Variants in GLO1 observed in about 807,000 individuals in gnomAD.
The protein encoded by GLO1 is glyoxalase I.
A neutral mutation model predicts 26.0 loss-of-function variants in GLO1; 28 were observed. The ratio of observed to expected loss-of-function variants is 1.08; its 90% CI spans 0.80 to 1.48. The LOEUF (loss-of-function observed/expected upper bound fraction) is 1.48. GLO1 is among the 40% of genes most tolerant of loss of function. GLO1 has a pLI of 0.00. For missense variants in GLO1, 225 were observed against 224.8 expected, an observed-to-expected ratio of 1.00 and a Z score of -0.01; for synonymous variants, 78 against 77.6, an observed-to-expected ratio of 1.00 and a Z score of -0.03.
Position 38,677,141 on chromosome 6 carries a change from G to A in GLO1, c.*154C>T. On this transcript the variant is annotated 3_prime_UTR_variant, in exon 6 of 6. Transcript: ENST00000373365. ...AACCAGAATGACTGAACAGTTAGGT[G>A]AAAAGGAACAGCTGAAATAGGAAGG... The A allele has an allele frequency of 3.1e-6, 2 of 649,220 alleles. No individual in the cohort carries two copies. Among genetic ancestry groups the A allele is most frequent in the Non-Finnish European group, 5.5e-6 (2 of 364,698 alleles). 40.2% of individuals were successfully genotyped at this position (649,220 alleles called of 1,614,324 possible).
chr6:38,683,099 T>C, intron 3 of GLO1: 1 of 485,620 alleles, frequency 2.1e-6, no homozygotes, highest in Admixed American at 3.6e-5. Context: ...ACAAGAACAA[T>C]AATAAGAATA....
At chr6:38,693,088 T>C (rs1761554550) in intron 1 of GLO1, among the ~76,000 whole-genome samples, 1 of 152,000 alleles carries the variant, frequency 6.6e-6, no homozygotes, top group South Asian at 2.1e-4. Context: ...CTGGAAGGGG[T>C]TGTGTATAAT....
At chr6:38,694,024 T>A (rs1372367580) in intron 1 of GLO1, among the ~76,000 whole-genome samples, 2 of 152,132 alleles carry the variant, frequency 1.3e-5, no homozygotes, top group Non-Finnish European at 2.9e-5. Context: ...CTCAAAATAT[T>A]TTTAAAAAGT....
At chr6:38,699,649 T>C (rs1761666365) in intron 1 of GLO1, among the ~76,000 whole-genome samples, 1 of 152,110 alleles carries the variant, frequency 6.6e-6, no homozygotes, top group African/African-American at 2.4e-5. Flanking sequence ...ACGCCCGCTC[T>C]GGGAATGTCT....
chr6:38,694,533 G>T (rs1761580599), intron 1 of GLO1, among the ~76,000 whole-genome samples: 1 of 152,112 alleles, frequency 6.6e-6, no homozygotes, highest in Non-Finnish European at 1.5e-5. Context: ...AGAAAAATTA[G>T]CTGGGTGTGG....
At position 38,684,343 on chromosome 6, in the gene GLO1, A is replaced by G. The variant is rs1374900455; in HGVS notation, c.308+31T>C. ...TTAAAAACTACCTTAAAAAATCTAT[A>G]ATATATATAAATATAGAAACTCATA... On this transcript the variant is annotated intron_variant, in intron 3 of 5. Coordinates refer to ENST00000373365, the MANE Select transcript of GLO1 (RefSeq NM_006708.3). 4.4e-6 allele frequency: 5 copies of G among 1,145,814 alleles called. 1 individual carries two copies. The Admixed American group carries it at 1.1e-4, about 26-fold the overall frequency. The allele number at this position is 1,145,814 out of a possible 1,614,324, so 71.0% of individuals were successfully genotyped here. A position where few individuals can be genotyped will look rare whatever the true frequency, so the allele number is the denominator to read the frequency against.
In GLO1 at chr6:38,698,423, C is replaced by CAT. The variant is rs972705097; in HGVS notation, c.84+4546_84+4547dup. On this transcript the variant is annotated intron_variant, in intron 1 of 5. Coordinates refer to ENST00000373365, the MANE Select transcript of GLO1 (RefSeq NM_006708.3). ...CTACCTGATTGGAGAGGGACCCCAT[C>CAT]ATATATATATATATTCATATATTTA... Among the ~76,000 whole-genome samples, 697 of 147,006 alleles carry CAT rather than the reference C, an allele frequency of 4.7e-3. 2 individuals carry two copies. The highest frequency in any genetic ancestry group is 7.8e-3 in the Non-Finnish European group (518 of 66,838).
At chr6:38,696,174 A>T (rs1562490274) in intron 1 of GLO1, among the ~76,000 whole-genome samples, 2 of 152,208 alleles carry the variant, frequency 1.3e-5, no homozygotes. Context: ...TGGTTACAAT[A>T]TGTCTATTTT....
chr6:38,682,874 T>TGTGTGTCA lies in GLO1; in HGVS notation c.309_310insTGACACAC (p.Asn104Ter). 5 of 1,567,452 alleles carry TGTGTGTCA rather than the reference T, an allele frequency of 3.2e-6. No homozygotes were observed. Among genetic ancestry groups the TGTGTGTCA allele is most frequent in the Non-Finnish European group, 3.5e-6 (4 of 1,136,946 alleles). ...GTCTCATCATCTTCAGTGCCCCAAT[T>TGTGTGTCA]GCTACAAAAGGAAGGAAAACATAGC... On this transcript the variant is annotated stop_gained and frameshift_variant and splice_region_variant, in exon 4 of 6. Coordinates refer to ENST00000373365, the MANE Select transcript of GLO1 (RefSeq NM_006708.3). LOFTEE classifies it high-confidence loss of function.
chr6:38,688,710 G>C (rs996413490), intron 1 of GLO1, among the ~76,000 whole-genome samples: 1 of 152,184 alleles, frequency 6.6e-6, no homozygotes, highest in Non-Finnish European at 1.5e-5. Flanking sequence ...TCAGTCTCAG[G>C]AGGGAGCACT....
intron 5 of GLO1, among the ~76,000 whole-genome samples, chr6:38,678,888 T>C (rs751618363): frequency 6.6e-6 from 1 of 152,196 alleles, no homozygotes; most frequent in Non-Finnish European, 1.5e-5. Context: ...TAGGAATCTC[T>C]GGCCTAGGCT....
At chr6:38,684,320 A>T (rs1433893461) in intron 3 of GLO1, 54 bp downstream of exon 3, 2 of 961,736 alleles carry the variant, frequency 2.1e-6, no homozygotes, top group Non-Finnish European at 2.8e-6. Flanking sequence ...AAAGATTTTT[A>T]AAAACTACCT....
chr6:38,699,190 C>A (rs1211948315), intron 1 of GLO1, among the ~76,000 whole-genome samples: 2 of 152,196 alleles, frequency 1.3e-5, no homozygotes, highest in Non-Finnish European at 2.9e-5. Context: ...GAGGGACCAG[C>A]TGGAGCTGTG....
intron 2 of GLO1, among the ~76,000 whole-genome samples, chr6:38,685,856 G>T (rs556325720): frequency 6.6e-6 from 1 of 152,250 alleles, no homozygotes; most frequent in African/African-American, 2.4e-5. Flanking sequence ...CTACATTAGA[G>T]CCCATCAGAC....
chr6:38,677,716 T>C (rs765282133), intron 5 of GLO1, among the ~76,000 whole-genome samples: 12 of 152,240 alleles, frequency 7.9e-5, no homozygotes, highest in Admixed American at 4.6e-4. Flanking sequence ...CACCTGGCCT[T>C]AAAAACTTTT....
At chr6:38,681,328 T>C (rs563871574) in intron 5 of GLO1, among the ~76,000 whole-genome samples, 14 of 152,310 alleles carry the variant, frequency 9.2e-5, no homozygotes, top group African/African-American at 2.9e-4. Flanking sequence ...TCCCAAAGTG[T>C]TGGGATGACA....
chr6:38,699,386 C>A lies in GLO1; in HGVS notation c.84+3585G>T, dbSNP rs560370134. Among the ~76,000 whole-genome samples the A allele has an allele frequency of 6.6e-5, 10 of 152,172 alleles. No individual in the cohort carries two copies. The East Asian group carries it at 1.9e-3, about 29-fold the overall frequency. Reference sequence around the variant, plus strand: ...TTAACTGTACAAATTGATTGTAAAACTGTGTTTGAACAATATGAAATCGGC... The same window carrying A: ...TTAACTGTACAAATTGATTGTAAAAATGTGTTTGAACAATATGAAATCGGC... On this transcript the variant is annotated intron_variant, in intron 1 of 5. Coordinates refer to ENST00000373365, the MANE Select transcript of GLO1 (RefSeq NM_006708.3).
At chr6:38,680,503 A>G (rs1761355651) in intron 5 of GLO1, among the ~76,000 whole-genome samples, 2 of 152,234 alleles carry the variant, frequency 1.3e-5, no homozygotes, top group Admixed American at 1.3e-4. Context: ...CCTGGGCAAC[A>G]AGAGCGAAAC....
intron 2 of GLO1, among the ~76,000 whole-genome samples, chr6:38,684,799 A>C (rs962540834): frequency 6.6e-6 from 1 of 152,220 alleles, no homozygotes; most frequent in African/African-American, 2.4e-5. Context: ...AGAAACGGCT[A>C]TCTCCAAAAG....
Sources: allele counts gnomAD v4.1 joint callset (sites outside exome capture counted in the v4.1 genomes callset), GRCh38; gene constraint gnomAD v4.1.1; transcripts MANE v1.5; gene names NCBI Gene and HGNC (gene_info 2026-07-23, HGNC 2026-07-21).